The following CYREN variants were observed in gnomAD, a reference collection of about 807,000 sequenced individuals.
CYREN encodes cell cycle regulator of non-homologous end joining.
In CYREN, 7 loss-of-function variants were observed where a neutral mutation model predicts 9.7. The ratio of observed to expected loss-of-function variants is 0.72; its 90% CI spans 0.41 to 1.36. The LOEUF (loss-of-function observed/expected upper bound fraction) is 1.36. CYREN is among the 40% of genes most tolerant of loss of function. CYREN has a pLI of 0.01. For synonymous variants in CYREN, 76 were observed against 77.9 expected (o/e 0.98, Z 0.13); for missense variants, 215 against 198.1 (o/e 1.09, Z -0.51).
chr7:135,159,425 C>T (rs1156865233), intron 2 of CYREN, among the ~76,000 whole-genome samples: 9 of 152,124 alleles, frequency 5.9e-5, no homozygotes, highest in Non-Finnish European at 1.5e-5. Flanking sequence ...GTGCTTAAAC[C>T]AACAAAAAAG....
intron 2 of CYREN, among the ~76,000 whole-genome samples, chr7:135,136,751 G>A (rs192722789): frequency 3.3e-5 from 5 of 152,066 alleles, no homozygotes; most frequent in Admixed American, 1.3e-4. Context: ...TTGAATCTTC[G>A]ACTGCCTAAG....
At chr7:135,145,553 G>A (rs12707218) in intron 2 of CYREN, among the ~76,000 whole-genome samples, 3,844 of 152,128 alleles carry the variant, frequency 0.025, 71 homozygotes, top group Middle Eastern at 0.051. Flanking sequence ...TAGAATACTT[G>A]ATGCATAGAA....
chr7:135,110,309 C>T (rs746070792), intron 2 of CYREN, among the ~76,000 whole-genome samples: 9 of 152,174 alleles, frequency 5.9e-5, no homozygotes, highest in Non-Finnish European at 1.0e-4. Context: ...GGATTCAGCC[C>T]CTTTCCTAGG....
intron 2 of CYREN, among the ~76,000 whole-genome samples, chr7:135,143,828 C>A (rs1585334127): frequency 6.6e-6 from 1 of 152,170 alleles, no homozygotes; most frequent in Non-Finnish European, 1.5e-5. Flanking sequence ...CAAATAAAGA[C>A]ATATTTATTC....
At chr7:135,168,613 C>T (rs967697346) in intron 2 of CYREN, 173 bp downstream of exon 2, 30 of 1,025,314 alleles carry the variant, frequency 2.9e-5, no homozygotes, top group Middle Eastern at 3.2e-4. Context: ...AGGGTTAACC[C>T]GCTTTGCCTC....
intron 2 of CYREN, among the ~76,000 whole-genome samples, chr7:135,111,235 G>A (rs1825598208): frequency 1.3e-5 from 2 of 152,086 alleles, no homozygotes; most frequent in Non-Finnish European, 2.9e-5. Context: ...TAGATCCCAT[G>A]TCCATCAATT....
At chr7:135,161,086 G>A (rs574805317), downstream of CYREN, among the ~76,000 whole-genome samples, 3 of 152,326 alleles carry the variant, frequency 2.0e-5, no homozygotes, top group South Asian at 4.1e-4. The surrounding 1 kb of genome is among the most constrained non-coding windows in gnomAD (Gnocchi z 4.1). Flanking sequence ...AGATGATGGC[G>A]AGCCTCATAA....
chr7:135,125,592 A>T (rs1416542797), intron 2 of CYREN, among the ~76,000 whole-genome samples: 1 of 152,322 alleles, frequency 6.6e-6, no homozygotes, highest in Non-Finnish European at 1.5e-5. Context: ...CACAACAAAA[A>T]AAAGAAAACT....
chr7:135,102,643 C>T (rs1217775729), intron 2 of CYREN, among the ~76,000 whole-genome samples: 4 of 147,140 alleles, frequency 2.7e-5, no homozygotes, highest in African/African-American at 5.0e-5. Context: ...TTTTTCATTG[C>T]TCTAATGCTT....
intron 2 of CYREN, chr7:135,128,434 G>GA (rs1828259206): frequency 2.9e-6 from 2 of 687,766 alleles, no homozygotes; most frequent in East Asian, 5.4e-5. Context: ...TTGTTCCTCA[G>GA]AAAATTAAAT....
intron 2 of CYREN, among the ~76,000 whole-genome samples, chr7:135,110,573 C>A (rs1585175755): frequency 6.6e-6 from 1 of 152,278 alleles, no homozygotes; most frequent in South Asian, 2.1e-4. Context: ...TGACTCACCC[C>A]TTCCTTGGGC....
At chr7:135,117,242 A>C (rs916648777) in intron 2 of CYREN, among the ~76,000 whole-genome samples, 4 of 151,062 alleles carry the variant, frequency 2.6e-5, no homozygotes, top group African/African-American at 9.7e-5. Context: ...CTCCATATTG[A>C]AATCTGACCT....
intron 2 of CYREN, chr7:135,100,150 T>C (rs1823592856): frequency 2.0e-5 from 3 of 151,418 alleles, no homozygotes; most frequent in African/African-American, 7.3e-5. Context: ...CCTCCCAAAA[T>C]GCTGGGATTA....
chr7:135,128,593 T>C, intron 2 of CYREN: 3 of 771,730 alleles, frequency 3.9e-6, no homozygotes, highest in Non-Finnish European at 7.2e-6. Flanking sequence ...TTGTGAGCGC[T>C]ATCTGCTCTA....
At chr7:135,160,744 A>AC (rs910559503) in intron 2 of CYREN, among the ~76,000 whole-genome samples, 2 of 151,818 alleles carry the variant, frequency 1.3e-5, no homozygotes, top group Non-Finnish European at 2.9e-5. Flanking sequence ...TTAAAAAAAA[A>AC]AAACAAAAAA....
At chr7:135,127,174 A>C (rs1375510376) in intron 2 of CYREN, among the ~76,000 whole-genome samples, 1 of 151,798 alleles carries the variant, frequency 6.6e-6, no homozygotes, top group East Asian at 1.9e-4. Flanking sequence ...ATTTACAAGA[A>C]AAAAACAGAC....
intron 2 of CYREN, among the ~76,000 whole-genome samples, chr7:135,142,587 A>C (rs915010538): frequency 2.0e-5 from 3 of 152,158 alleles, no homozygotes; most frequent in Non-Finnish European, 2.9e-5. Context: ...GAAATCAATA[A>C]CAACAACAAA....
At chr7:135,164,101 C>G (rs3800593), downstream of CYREN, among the ~76,000 whole-genome samples, 4 of 152,370 alleles carry the variant, frequency 2.6e-5, no homozygotes, top group East Asian at 7.7e-4. Context: ...ACTAATGTTT[C>G]CAATGGCTTG....
intron 2 of CYREN, among the ~76,000 whole-genome samples, chr7:135,111,307 A>G (rs1825608899): frequency 1.3e-5 from 2 of 152,298 alleles, no homozygotes; most frequent in South Asian, 4.1e-4. Context: ...TATAGCCAAC[A>G]TTCATTACCT....
Sources: allele counts gnomAD v4.1 joint callset (sites outside exome capture counted in the v4.1 genomes callset), GRCh38; gene constraint gnomAD v4.1.1; non-coding constraint Gnocchi (gnomAD v3.1); transcripts MANE v1.5; gene names NCBI Gene and HGNC (gene_info 2026-07-23, HGNC 2026-07-21).